The following DNAJC5B variants were observed in gnomAD, a reference collection of about 807,000 sequenced individuals.
The protein encoded by DNAJC5B is dnaJ homolog subfamily C member 5B.
A neutral mutation model predicts 24.7 loss-of-function variants in DNAJC5B; 23 were observed. The ratio of observed to expected loss-of-function variants is 0.93; its 90% CI spans 0.67 to 1.32. DNAJC5B has a LOEUF of 1.32. DNAJC5B is among the 40% of genes most tolerant of loss of function. DNAJC5B has a pLI of 0.00. For missense variants in DNAJC5B, 238 were observed against 240.8 expected, an observed-to-expected ratio of 0.99 and a Z score of 0.08; for synonymous variants, 101 against 90.1, an observed-to-expected ratio of 1.12 and a Z score of -0.68.
intron 5 of DNAJC5B, among the ~76,000 whole-genome samples, chr8:66,099,043 C>CAT (rs1808016723): frequency 6.6e-6 from 1 of 151,388 alleles, no homozygotes; most frequent in African/African-American, 2.4e-5. Context: ...CTGTCACACA[C>CAT]ACACACACAC....
At chr8:66,074,659 C>G (rs1019626036) in intron 3 of DNAJC5B, among the ~76,000 whole-genome samples, 2 of 152,174 alleles carry the variant, frequency 1.3e-5, no homozygotes, top group African/African-American at 4.8e-5. Flanking sequence ...GGTGCCTATT[C>G]TATTTAAAAA....
intron 5 of DNAJC5B, among the ~76,000 whole-genome samples, chr8:66,098,136 G>C (rs1269470601): frequency 2.0e-5 from 3 of 151,722 alleles, no homozygotes; most frequent in Non-Finnish European, 4.4e-5. Flanking sequence ...TTACAGGCGT[G>C]AGCCACTGCA....
chr8:66,018,445 G>T (rs1399585796), upstream of DNAJC5B, among the ~76,000 whole-genome samples: 10 of 152,104 alleles, frequency 6.6e-5, no homozygotes, highest in Admixed American at 1.3e-4. Flanking sequence ...CTTGAACCCG[G>T]GAGACAGAGG....
chr8:66,027,579 G>A (rs939517267), intron 1 of DNAJC5B, among the ~76,000 whole-genome samples: 9 of 152,174 alleles, frequency 5.9e-5, no homozygotes, highest in African/African-American at 1.9e-4. Flanking sequence ...GTCACAAAAG[G>A]TGGTCTCAGG....
intron 5 of DNAJC5B, among the ~76,000 whole-genome samples, chr8:66,092,769 ATC>A (rs1807873406): frequency 6.6e-6 from 1 of 152,146 alleles, no homozygotes; most frequent in African/African-American, 2.4e-5. Flanking sequence ...TGCAATAATT[ATC>A]TTTCTTCATC....
chr8:66,079,095 T>C (rs1315596125), intron 4 of DNAJC5B, among the ~76,000 whole-genome samples: 2 of 152,194 alleles, frequency 1.3e-5, no homozygotes, highest in African/African-American at 2.4e-5. Context: ...AACTTCACAT[T>C]GGAGGAGTTG....
At chr8:66,035,438 G>A (rs565683541) in intron 1 of DNAJC5B, among the ~76,000 whole-genome samples, 104 of 152,298 alleles carry the variant, frequency 6.8e-4, no homozygotes, top group Non-Finnish European at 1.1e-3. Context: ...CCCTTAATCC[G>A]ATATGACTGG....
chr8:66,076,551 C>T, intron 3 of DNAJC5B, 109 bp from the exon 4 acceptor site: 1 of 1,152,280 alleles, frequency 8.7e-7, no homozygotes, highest in African/African-American at 1.5e-5. Context: ...CACCATTTCA[C>T]AGTATTTGCG....
At chr8:66,020,077 C>A (rs1329026985), upstream of DNAJC5B, among the ~76,000 whole-genome samples, 1 of 152,186 alleles carries the variant, frequency 6.6e-6, no homozygotes, top group African/African-American at 2.4e-5. Flanking sequence ...TGTTCTGGGA[C>A]CAAATGACAA....
intron 4 of DNAJC5B, among the ~76,000 whole-genome samples, chr8:66,077,517 G>A (rs1807494303): frequency 6.6e-6 from 1 of 152,104 alleles, no homozygotes; most frequent in Non-Finnish European, 1.5e-5. Flanking sequence ...GGAATCTCTA[G>A]TATATATATG....
intron 5 of DNAJC5B, among the ~76,000 whole-genome samples, chr8:66,080,850 G>C (rs1807580843): frequency 6.6e-6 from 1 of 152,162 alleles, no homozygotes; most frequent in Non-Finnish European, 1.5e-5. Flanking sequence ...GATTCAGGGA[G>C]GATTGGGTGA....
chr8:66,090,728 A>G (rs748235309), intron 5 of DNAJC5B, among the ~76,000 whole-genome samples: 2 of 152,136 alleles, frequency 1.3e-5, no homozygotes, highest in African/African-American at 2.4e-5. Context: ...CATTTATTAC[A>G]TTTGCTATTT....
At chr8:66,070,640 G>T (rs1278498509) in intron 3 of DNAJC5B, among the ~76,000 whole-genome samples, 1 of 152,166 alleles carries the variant, frequency 6.6e-6, no homozygotes, top group African/African-American at 2.4e-5. Context: ...GTAATTTATA[G>T]ACTCAATGCT....
intron 3 of DNAJC5B, among the ~76,000 whole-genome samples, chr8:66,067,231 T>C (rs1807240813): frequency 8.6e-6 from 1 of 116,800 alleles, no homozygotes; most frequent in Admixed American, 1.2e-4. Flanking sequence ...TTTAAAAGCA[T>C]TTGCGAGTAA....
chr8:66,095,756 G>A (rs989995305), intron 5 of DNAJC5B, among the ~76,000 whole-genome samples: 2 of 150,052 alleles, frequency 1.3e-5, no homozygotes, highest in African/African-American at 4.9e-5. Flanking sequence ...TTTCTATTAT[G>A]ATTTTTTCTT....
intron 4 of DNAJC5B, 140 bp from the exon 5 acceptor site, chr8:66,080,237 G>A: frequency 8.1e-7 from 1 of 1,240,280 alleles, no homozygotes; most frequent in African/African-American, 1.5e-5. Flanking sequence ...GAGTAAGGAT[G>A]AGGGTGAAGA....
chr8:66,032,960 A>G lies in DNAJC5B; in HGVS notation c.-141-10528A>G, dbSNP rs16932428. ...TCCCCTTCATCGTGACAACATAAGC[A>G]GTCCTCATGGCATTGCCCAGTTAGC... On this transcript the variant is annotated intron_variant, in intron 1 of 5. Transcript: ENST00000276570. Among the ~76,000 whole-genome samples the G allele has an allele frequency of 5.2e-3, 789 of 152,340 alleles. 3 individuals carry two copies. Among genetic ancestry groups the G allele is most frequent in the African/African-American group, 0.018 (764 of 41,578 alleles).
chr8:66,042,460 T>G (rs1187382942), intron 1 of DNAJC5B, among the ~76,000 whole-genome samples: 1 of 152,244 alleles, frequency 6.6e-6, no homozygotes, highest in Non-Finnish European at 1.5e-5. Context: ...CATACATTTT[T>G]AAAAAGCTAC....
At chr8:66,062,410 A>G (rs140073408) in intron 3 of DNAJC5B, among the ~76,000 whole-genome samples, 22 of 152,360 alleles carry the variant, frequency 1.4e-4, no homozygotes, top group Non-Finnish European at 2.9e-4. Context: ...GGGGATAAGA[A>G]AAGGAAAACT....
Sources: gnomAD v4.1 joint callset for allele counts (sites outside exome capture counted in the v4.1 genomes callset) on GRCh38, gnomAD v4.1.1 for gene constraint, MANE v1.5 for transcripts, NCBI Gene and HGNC (gene_info 2026-07-23, HGNC 2026-07-21) for gene names.